The following RORB variants were observed in gnomAD, a reference collection of about 807,000 sequenced individuals.
RORB encodes RAR related orphan receptor B.
RORB carries 6 observed loss-of-function variants against 59.1 expected under a neutral mutation model. That is an observed-to-expected ratio of 0.10 (90% CI 0.06 to 0.20). The LOEUF (loss-of-function observed/expected upper bound fraction) is 0.20, where lower values mean the gene tolerates loss of function less well. Among genes scored for constraint, RORB ranks in the 10% least tolerant of loss-of-function variants. RORB has a pLI of 1.00. For missense variants in RORB, 320 were observed against 560.5 expected (o/e 0.57, Z 4.33); for synonymous variants, 215 against 204.5 (o/e 1.05, Z -0.44).
intron 1 of RORB, among the ~76,000 whole-genome samples, chr9:74,581,807 C>A (rs369892318): frequency 6.6e-6 from 1 of 152,180 alleles, no homozygotes. Context: ...GAACACAGGG[C>A]ATTCCTCTGA....
chr9:74,653,561 A>G (rs915991252), intron 4 of RORB, among the ~76,000 whole-genome samples: 1 of 152,034 alleles, frequency 6.6e-6, no homozygotes, highest in Non-Finnish European at 1.5e-5. Flanking sequence ...AGGAGGTGGG[A>G]GCTGAGAATT....
chr9:74,661,427 G>A (rs1461365295), intron 5 of RORB, among the ~76,000 whole-genome samples: 1 of 151,988 alleles, frequency 6.6e-6, no homozygotes, highest in Non-Finnish European at 1.5e-5. Flanking sequence ...TTCTCCACCA[G>A]AACAACTAAA....
chr9:74,534,019 A>G (rs1826286080), intron 1 of RORB, among the ~76,000 whole-genome samples: 2 of 152,000 alleles, frequency 1.3e-5, no homozygotes, highest in African/African-American at 4.8e-5. Flanking sequence ...TCTATGACGA[A>G]ATTATTTATA....
At chr9:74,598,029 AT>A (rs1309268301) in intron 1 of RORB, among the ~76,000 whole-genome samples, 1 of 152,198 alleles carries the variant, frequency 6.6e-6, no homozygotes, top group Non-Finnish European at 1.5e-5. Context: ...TAAATAAAAT[AT>A]ATTAATGAAA....
intron 1 of RORB, among the ~76,000 whole-genome samples, chr9:74,535,076 A>T (rs1481253628): frequency 1.3e-5 from 2 of 152,206 alleles, no homozygotes; most frequent in East Asian, 3.9e-4. Flanking sequence ...GGCAATTTGG[A>T]GCCCTGGAGA....
At chr9:74,685,369 A>T in intron 9 of RORB, 94 bp from the exon 10 acceptor site, 2 of 1,007,872 alleles carry the variant, frequency 2.0e-6, no homozygotes, top group Non-Finnish European at 1.4e-6. Flanking sequence ...AAAGCCTTTT[A>T]CCTTCATCTG....
Position 74,590,146 on chromosome 9 carries a change from A to G in RORB, c.8-40136A>G, listed in dbSNP as rs116002643. Among the ~76,000 whole-genome samples, 936 of 152,266 alleles carry G rather than the reference A, an allele frequency of 6.1e-3. 15 individuals carry two copies. Among genetic ancestry groups the G allele is most frequent in the African/African-American group, 0.022 (898 of 41,552 alleles). On this transcript the variant is annotated intron_variant, in intron 1 of 9. Coordinates refer to ENST00000376896, the MANE Select transcript of RORB (RefSeq NM_006914.4). ...GTAAGCTCTCAGTAGTAACAGTAGT[A>G]GTAGTAGTAGTAATAGTAATAGTAG...
intron 1 of RORB, among the ~76,000 whole-genome samples, chr9:74,556,883 G>C (rs1822302046): frequency 1.3e-5 from 2 of 152,022 alleles, no homozygotes; most frequent in African/African-American, 4.8e-5. Context: ...GAAATTTTGT[G>C]GCTTTCTTCA....
chr9:74,550,835 T>C (rs1017611947), intron 1 of RORB, among the ~76,000 whole-genome samples: 1 of 152,228 alleles, frequency 6.6e-6, no homozygotes, highest in African/African-American at 2.4e-5. Flanking sequence ...TGTTGAGCAG[T>C]TGAAATGTGG....
At chr9:74,669,169 G>A (rs1235842407) in intron 8 of RORB, among the ~76,000 whole-genome samples, 1 of 152,192 alleles carries the variant, frequency 6.6e-6, no homozygotes, top group Non-Finnish European at 1.5e-5. Flanking sequence ...ACTGTAGTGA[G>A]TAAAATATTT....
At position 74,497,487 on chromosome 9, in the gene RORB, T is replaced by C. The variant is rs1035654587; in HGVS notation, c.-490T>C. The C allele has an allele frequency of 6.0e-6, 1 of 165,788 alleles. No homozygotes were observed. The highest frequency in any genetic ancestry group is 1.3e-5 in the Non-Finnish European group (1 of 77,202). The allele number at this position is 165,788 out of a possible 1,614,324, so 10.3% of individuals were successfully genotyped here. ...CGCCTTTCTTTCTTTTCTTTCTGTT[T>C]CCTTTTTTCCCCCTTGTTCCTTCTC... On this transcript the variant is annotated 5_prime_UTR_variant, in exon 1 of 10. Transcript: ENST00000376896.
chr9:74,601,130 T>C (rs535861011), intron 1 of RORB, among the ~76,000 whole-genome samples: 1 of 152,148 alleles, frequency 6.6e-6, no homozygotes, highest in African/African-American at 2.4e-5. Flanking sequence ...TTTGAAATAA[T>C]TATACTCTTT....
rs185248449 is a variant in RORB, at chr9:74,669,934, C to T, written c.1112-1855C>T. Reference sequence around the variant, plus strand: ...TATTCCTAATATGATTCTTGATGATCTTATCAGGATATTTTTAATTTGCTA... The same window carrying T: ...TATTCCTAATATGATTCTTGATGATTTTATCAGGATATTTTTAATTTGCTA... On this transcript the variant is annotated intron_variant, in intron 8 of 9. Coordinates refer to ENST00000376896, the MANE Select transcript of RORB (RefSeq NM_006914.4). Among the ~76,000 whole-genome samples, 5 of 152,260 alleles carry T rather than the reference C, an allele frequency of 3.3e-5. No homozygotes were observed. The East Asian group carries it at 9.6e-4, about 29-fold the overall frequency.
At chr9:74,504,634 T>C (rs1383081821) in intron 1 of RORB, among the ~76,000 whole-genome samples, 8 of 152,038 alleles carry the variant, frequency 5.3e-5, no homozygotes, top group Admixed American at 3.3e-4. Context: ...AGTTATGATA[T>C]CATGTGGTCC....
intron 1 of RORB, among the ~76,000 whole-genome samples, chr9:74,510,471 T>C (rs1268367890): frequency 1.3e-5 from 2 of 152,170 alleles, no homozygotes; most frequent in African/African-American, 2.4e-5. Flanking sequence ...AGAGGAACTA[T>C]GTAAACCTGA....
intron 1 of RORB, among the ~76,000 whole-genome samples, chr9:74,584,765 T>A (rs1822773521): frequency 6.6e-6 from 1 of 152,192 alleles, no homozygotes; most frequent in Non-Finnish European, 1.5e-5. Context: ...TAGTGGCTAC[T>A]GTCATAGACC....
At chr9:74,627,868 T>C (rs569439017) in intron 1 of RORB, among the ~76,000 whole-genome samples, 11 of 152,220 alleles carry the variant, frequency 7.2e-5, no homozygotes, top group Middle Eastern at 6.8e-3. Context: ...AAAAGATCTT[T>C]GATAAAGGAA....
chr9:74,656,500 C>T (rs182433832), intron 4 of RORB, among the ~76,000 whole-genome samples: 1 of 152,320 alleles, frequency 6.6e-6, no homozygotes, highest in Non-Finnish European at 1.5e-5. Context: ...CTTTGGGAAG[C>T]CAAGGTGGGC....
chr9:74,632,772 TC>T, intron 2 of RORB, among the ~76,000 whole-genome samples: 1 of 152,248 alleles, frequency 6.6e-6, no homozygotes, highest in East Asian at 1.9e-4. Context: ...AATGTAAATT[TC>T]AAGTCATCTT....
Sources: gnomAD v4.1 joint callset for allele counts (sites outside exome capture counted in the v4.1 genomes callset) on GRCh38, gnomAD v4.1.1 for gene constraint, MANE v1.5 for transcripts, NCBI Gene and HGNC (gene_info 2026-07-23, HGNC 2026-07-21) for gene names.